Variants in CSMD1 observed in about 807,000 individuals in gnomAD.
CSMD1 encodes CUB and sushi domain-containing protein 1.
Under a neutral mutation model 417.5 loss-of-function variants are expected in CSMD1, and 213 were observed. The ratio of observed to expected loss-of-function variants is 0.51; its 90% CI spans 0.46 to 0.57. The LOEUF (loss-of-function observed/expected upper bound fraction) is 0.57. Ranked by LOEUF, CSMD1 falls within the 20% of genes least tolerant of loss-of-function variation. The pLI is 0.00. For synonymous variants in CSMD1, 2,862 were observed against 1,736.8 expected, an observed-to-expected ratio of 1.65 and a Z score of -16.11; for missense variants, 6,923 against 4,529.7, an observed-to-expected ratio of 1.53 and a Z score of -15.17.
intron 5 of CSMD1, among the ~76,000 whole-genome samples, chr8:3,979,671 GTGCCAT>G (rs976410362): frequency 2.8e-4 from 43 of 152,158 alleles, no homozygotes; most frequent in African/African-American, 9.9e-4. Context: ...CTGAAAGCAG[GTGCCAT>G]CTATGAGCCA....
chr8:3,010,424 A>G (rs1808295610), intron 52 of CSMD1, among the ~76,000 whole-genome samples: 1 of 152,120 alleles, frequency 6.6e-6, no homozygotes, highest in African/African-American at 2.4e-5. Flanking sequence ...GAGTTATCAG[A>G]TCTTTTCCAC....
intron 49 of CSMD1, among the ~76,000 whole-genome samples, chr8:3,061,898 C>A (rs1812612472): frequency 6.6e-6 from 1 of 152,116 alleles, no homozygotes; most frequent in African/African-American, 2.4e-5. Context: ...CACCCACATT[C>A]TTATGACTAG....
At chr8:4,976,424 A>G (rs1291300559) in intron 1 of CSMD1, among the ~76,000 whole-genome samples, 1 of 152,236 alleles carries the variant, frequency 6.6e-6, no homozygotes, top group Non-Finnish European at 1.5e-5. Context: ...ATATAAAGAA[A>G]GTTTGTTCTT....
intron 1 of CSMD1, among the ~76,000 whole-genome samples, chr8:4,912,804 G>GC (rs199793885): frequency 3.3e-5 from 5 of 151,546 alleles, no homozygotes; most frequent in Non-Finnish European, 5.9e-5. Context: ...TTGGAGGGGG[G>GC]GCACAGAGTC....
intron 2 of CSMD1, among the ~76,000 whole-genome samples, chr8:4,505,049 A>T (rs573869780): frequency 6.6e-6 from 1 of 152,300 alleles, no homozygotes; most frequent in East Asian, 1.9e-4. Context: ...TCCTTGAGGA[A>T]CTGCCACACT....
intron 49 of CSMD1, among the ~76,000 whole-genome samples, chr8:3,081,636 C>T (rs909665754): frequency 3.9e-5 from 6 of 152,164 alleles, no homozygotes; most frequent in African/African-American, 9.7e-5. Context: ...TTTATAACCA[C>T]TTTTGACCAA....
At chr8:2,941,450 C>A (rs1413080976) in intron 69 of CSMD1, among the ~76,000 whole-genome samples, 2 of 152,202 alleles carry the variant, frequency 1.3e-5, no homozygotes, top group East Asian at 3.9e-4. Context: ...TAATTTATTT[C>A]TTATTATTTG....
Position 4,387,459 on chromosome 8 carries a change from C to T in CSMD1, c.415+32494G>A, listed in dbSNP as rs922409613. Among the ~76,000 whole-genome samples, 10 of 148,824 alleles carry T rather than the reference C, an allele frequency of 6.7e-5. 1 individual carries two copies. The South Asian group carries it at 2.1e-3, about 32-fold the overall frequency. ...TCAAGATATGCTTGGTCTCCATAAT[C>T]AGGAAGTTGAGTGTACTTTCATATC... is the stretch of plus-strand genomic sequence containing the variant. On this transcript the variant is annotated intron_variant, in intron 3 of 69. Transcript: ENST00000635120.
chr8:4,240,470 A>C (rs79958579), intron 3 of CSMD1, among the ~76,000 whole-genome samples: 3 of 152,228 alleles, frequency 2.0e-5, no homozygotes, highest in Non-Finnish European at 4.4e-5. Flanking sequence ...TCAGATAACA[A>C]TCTAAAATAA....
At position 4,444,134 on chromosome 8, in the gene CSMD1, A is replaced by G. The variant is rs75813839; in HGVS notation, c.303-24069T>C. ...AGGCAGGTCGATCACTTCAGGTCAG[A>G]AATTTGAGACCACTCTGGCCAACAT... On this transcript the variant is annotated intron_variant, in intron 2 of 69. Transcript: ENST00000635120. Among the ~76,000 whole-genome samples the G allele has an allele frequency of 4.8e-3, 722 of 151,994 alleles. 7 individuals are homozygous for G. Among genetic ancestry groups the G allele is most frequent in the African/African-American group, 0.016 (683 of 41,466 alleles).
intron 12 of CSMD1, among the ~76,000 whole-genome samples, chr8:3,436,901 C>G (rs771095774): frequency 1.2e-4 from 19 of 152,034 alleles, no homozygotes; most frequent in Non-Finnish European, 2.6e-4. Flanking sequence ...TTATTATTTT[C>G]TCAGCCACTT....
At chr8:4,524,238 A>G (rs1490647720) in intron 2 of CSMD1, among the ~76,000 whole-genome samples, 2 of 151,466 alleles carry the variant, frequency 1.3e-5, no homozygotes, top group Non-Finnish European at 2.9e-5. Context: ...TGTATAAAGA[A>G]TGAAGACAAC....
intron 3 of CSMD1, among the ~76,000 whole-genome samples, chr8:4,124,310 G>A (rs1026348245): frequency 6.6e-6 from 1 of 152,128 alleles, no homozygotes; most frequent in African/African-American, 2.4e-5. Flanking sequence ...TAATTCCACA[G>A]GATCCTCTAT....
At chr8:3,398,012 C>G (rs150868050) in intron 16 of CSMD1, among the ~76,000 whole-genome samples, 1 of 152,122 alleles carries the variant, frequency 6.6e-6, no homozygotes, top group East Asian at 1.9e-4. Context: ...TCAGAAATAT[C>G]GGGTATTTCC....
At chr8:3,523,520 A>T (rs934243903) in intron 10 of CSMD1, among the ~76,000 whole-genome samples, 3 of 151,950 alleles carry the variant, frequency 2.0e-5, no homozygotes, top group Non-Finnish European at 4.4e-5. Flanking sequence ...CTGACGTGAA[A>T]ATATGCACAC....
chr8:3,431,099 G>C (rs1375548994), intron 12 of CSMD1, among the ~76,000 whole-genome samples: 2 of 152,138 alleles, frequency 1.3e-5, no homozygotes, highest in Non-Finnish European at 2.9e-5. Flanking sequence ...GTTCTAGACA[G>C]TAAGGAGCCC....
At chr8:4,068,994 A>G (rs1481732211) in intron 3 of CSMD1, among the ~76,000 whole-genome samples, 1 of 152,226 alleles carries the variant, frequency 6.6e-6, no homozygotes, top group Admixed American at 6.5e-5. Flanking sequence ...AATGGCTTGG[A>G]AAGATAACCC....
At position 4,741,528 on chromosome 8, in the gene CSMD1, T is replaced by C. The variant is rs556762815; in HGVS notation, c.86-103970A>G. 1.8e-4 allele frequency among the ~76,000 whole-genome samples: 28 copies of C among 152,276 alleles called. 1 individual carries two copies. In the South Asian group the frequency reaches 5.6e-3, roughly 30 times the overall value. On this transcript the variant is annotated intron_variant, in intron 1 of 69. Transcript: ENST00000635120. Reference sequence around the variant, plus strand: ...GTAAGCATGATCAAAACAAAAATAATTGCATGTTTTGAATAATAAGAAGAA... The same window carrying C: ...GTAAGCATGATCAAAACAAAAATAACTGCATGTTTTGAATAATAAGAAGAA...
chr8:3,629,396 T>A (rs551648314), intron 7 of CSMD1, among the ~76,000 whole-genome samples: 1 of 152,222 alleles, frequency 6.6e-6, no homozygotes, highest in Non-Finnish European at 1.5e-5. Context: ...ATATAGTTAT[T>A]GTTGGAAATT....
Sources: gnomAD v4.1 joint callset for allele counts (sites outside exome capture counted in the v4.1 genomes callset) on GRCh38, gnomAD v4.1.1 for gene constraint, MANE v1.5 for transcripts, NCBI Gene and HGNC (gene_info 2026-07-23, HGNC 2026-07-21) for gene names.